The following OPCML variants were observed in gnomAD, a reference collection of about 807,000 sequenced individuals.
OPCML encodes opioid-binding protein/cell adhesion molecule.
In OPCML, 13 loss-of-function variants were observed where a neutral mutation model predicts 37.8. The observed-to-expected ratio is 0.34, with a 90% confidence interval of 0.22 to 0.55. OPCML has a LOEUF of 0.55. Ranked by LOEUF, OPCML falls within the 20% of genes least tolerant of loss-of-function variation. OPCML has a pLI of 0.91. For synonymous variants in OPCML, 176 were observed against 168.8 expected (o/e 1.04, Z -0.33); for missense variants, 341 against 435.6 (o/e 0.78, Z 1.93).
At chr11:132,542,769 C>T (rs1018370072) in intron 3 of OPCML, among the ~76,000 whole-genome samples, 2 of 152,160 alleles carry the variant, frequency 1.3e-5, no homozygotes, top group Admixed American at 1.3e-4. Context: ...GCAGCCTCAC[C>T]CTCAGGCCAT....
chr11:133,040,178 G>A (rs752625267), intron 1 of OPCML, among the ~76,000 whole-genome samples: 1 of 151,924 alleles, frequency 6.6e-6, no homozygotes, highest in African/African-American at 2.4e-5. Flanking sequence ...GAATTTTATG[G>A]CATTTTTAAA....
chr11:132,549,445 G>A (rs1229120493), intron 3 of OPCML, among the ~76,000 whole-genome samples: 1 of 152,194 alleles, frequency 6.6e-6, no homozygotes, highest in African/African-American at 2.4e-5. Flanking sequence ...ATCCCATGCT[G>A]CTGCTCTGCC....
At chr11:132,575,799 T>G (rs1056198217) in intron 3 of OPCML, among the ~76,000 whole-genome samples, 4 of 152,106 alleles carry the variant, frequency 2.6e-5, no homozygotes, top group African/African-American at 9.7e-5. Context: ...CTTGAAGAAC[T>G]CCTTTAAAAT....
intron 1 of OPCML, among the ~76,000 whole-genome samples, chr11:133,272,142 C>T (rs1248341131): frequency 6.6e-6 from 1 of 151,310 alleles, no homozygotes; most frequent in East Asian, 2.0e-4. Flanking sequence ...TAGCCCCTTA[C>T]AAGAGGCTCA....
chr11:133,498,917 A>C (rs1947845078), intron 1 of OPCML, among the ~76,000 whole-genome samples: 1 of 152,230 alleles, frequency 6.6e-6, no homozygotes, highest in Non-Finnish European at 1.5e-5. Flanking sequence ...TTATGTTTAC[A>C]AGAACCCTGT....
At chr11:132,746,118 A>G (rs936836322) in intron 2 of OPCML, among the ~76,000 whole-genome samples, 1 of 151,402 alleles carries the variant, frequency 6.6e-6, no homozygotes, top group African/African-American at 2.4e-5. Flanking sequence ...TTTAACTAAC[A>G]GAAAATTCCC....
chr11:133,342,258 G>A (rs1051008101), intron 1 of OPCML, among the ~76,000 whole-genome samples: 5 of 152,102 alleles, frequency 3.3e-5, no homozygotes, highest in Non-Finnish European at 5.9e-5. Context: ...AAATAGCTGT[G>A]CTTTTGACGT....
chr11:132,524,901 T>A (rs2512704), intron 4 of OPCML, among the ~76,000 whole-genome samples: 59,972 of 152,076 alleles, frequency 0.39, 14,394 homozygotes, highest in Non-Finnish European at 0.54. Context: ...CAAATATACC[T>A]GAAAAGCAAA....
intron 2 of OPCML, among the ~76,000 whole-genome samples, chr11:132,883,840 T>G (rs1943310698): frequency 6.6e-6 from 1 of 152,142 alleles, no homozygotes; most frequent in Admixed American, 6.6e-5. Context: ...AGCCCAGGGG[T>G]AGTGAACTGG....
chr11:133,426,486 G>A (rs1212981553), intron 1 of OPCML, among the ~76,000 whole-genome samples: 1 of 152,172 alleles, frequency 6.6e-6, no homozygotes, highest in Admixed American at 6.5e-5. Flanking sequence ...ACTTCTGCGC[G>A]TTGGTAAGGT....
chr11:132,579,453 A>G (rs1236448422), intron 3 of OPCML, among the ~76,000 whole-genome samples: 1 of 151,724 alleles, frequency 6.6e-6, no homozygotes, highest in East Asian at 1.9e-4. Flanking sequence ...GTAGTTGCAC[A>G]TCAGGCATGA....
chr11:133,289,209 T>C (rs1326083729), intron 1 of OPCML, among the ~76,000 whole-genome samples: 1 of 152,218 alleles, frequency 6.6e-6, no homozygotes, highest in African/African-American at 2.4e-5. Context: ...TAAACCCTGA[T>C]TTAGGAAATG....
At chr11:133,127,663 A>G (rs1949537828) in intron 1 of OPCML, among the ~76,000 whole-genome samples, 1 of 152,056 alleles carries the variant, frequency 6.6e-6, no homozygotes, top group South Asian at 2.1e-4. Flanking sequence ...TATCTAATAA[A>G]TATTTACTAA....
At chr11:132,457,675 C>A (rs1168764635) in intron 4 of OPCML, among the ~76,000 whole-genome samples, 1 of 152,180 alleles carries the variant, frequency 6.6e-6, no homozygotes, top group Non-Finnish European at 1.5e-5. Flanking sequence ...TGCCCTGAAC[C>A]TTTGTTTCCC....
intron 2 of OPCML, among the ~76,000 whole-genome samples, chr11:132,801,726 T>G (rs1303509454): frequency 6.6e-6 from 1 of 152,208 alleles, no homozygotes; most frequent in Non-Finnish European, 1.5e-5. Flanking sequence ...CGCTTCTACC[T>G]GCTTATGCCT....
At chr11:133,102,681 T>C (rs7128726) in intron 1 of OPCML, among the ~76,000 whole-genome samples, 4,029 of 151,814 alleles carry the variant, frequency 0.027, 134 homozygotes, top group African/African-American at 0.081. Flanking sequence ...ACCCGGGAGG[T>C]GGAGCTTGCA....
intron 1 of OPCML, among the ~76,000 whole-genome samples, chr11:132,973,288 A>G (rs544001067): frequency 2.6e-5 from 4 of 151,814 alleles, no homozygotes; most frequent in African/African-American, 4.8e-5. Context: ...GTTCCCTTCC[A>G]CCTCCAAAAT....
intron 1 of OPCML, among the ~76,000 whole-genome samples, chr11:133,244,946 G>A (rs148716015): frequency 3.4e-4 from 52 of 152,346 alleles, no homozygotes; most frequent in African/African-American, 1.2e-3. Flanking sequence ...CTGAGATGGC[G>A]ATGCCTGCCA....
In OPCML at chr11:132,444,056, C is replaced by G. The variant is rs77225770; in HGVS notation, c.506-6697G>C. On this transcript the variant is annotated intron_variant, in intron 4 of 7. Coordinates refer to ENST00000524381, the MANE Select transcript of OPCML (RefSeq NM_001012393.5). ...CTCAGTCACAGGCTCAAAGTGGACC[C>G]GAGAGTATGAGCTGTGTCGCAATGC... 2.4e-3 allele frequency among the ~76,000 whole-genome samples: 367 copies of G among 152,212 alleles called. 1 individual carries two copies. Among genetic ancestry groups the G allele is most frequent in the African/African-American group, 8.6e-3 (359 of 41,534 alleles).
Sources: gnomAD v4.1 joint callset for allele counts (sites outside exome capture counted in the v4.1 genomes callset) on GRCh38, gnomAD v4.1.1 for gene constraint, MANE v1.5 for transcripts, NCBI Gene and HGNC (gene_info 2026-07-23, HGNC 2026-07-21) for gene names.